DMGDH: variants seen among roughly 807,000 people sequenced by gnomAD.
The protein encoded by DMGDH is dimethylglycine dehydrogenase.
Under a neutral mutation model 95.2 loss-of-function variants are expected in DMGDH, and 76 were observed. The observed-to-expected ratio is 0.80, with a 90% confidence interval of 0.66 to 0.97. The LOEUF (loss-of-function observed/expected upper bound fraction) is 0.97, where lower values mean the gene tolerates loss of function less well. Ranked by LOEUF, DMGDH falls within the 50% of genes least tolerant of loss-of-function variation. The probability of loss-of-function intolerance (pLI) is 0.00; values close to 1 mark genes in which losing one functional copy is unlikely to be tolerated. For missense variants in DMGDH, 987 were observed against 1,055.0 expected, an observed-to-expected ratio of 0.94 and a Z score of 0.89; for synonymous variants, 345 against 377.6, an observed-to-expected ratio of 0.91 and a Z score of 1.00.
intron 5 of DMGDH, among the ~76,000 whole-genome samples, chr5:79,050,102 C>T (rs1233812639): frequency 6.6e-6 from 1 of 151,108 alleles, no homozygotes; most frequent in Non-Finnish European, 1.5e-5. Flanking sequence ...ACTAAAAATA[C>T]AAAAATTAGC....
rs1561214825 is a variant in DMGDH, at chr5:79,028,606, A to G, written c.1859T>C (p.Ile620Thr). The G allele has an allele frequency of 1.2e-6, 2 of 1,614,032 alleles. No homozygotes were observed. Among genetic ancestry groups the G allele is most frequent in the Non-Finnish European group, 8.5e-7 (1 of 1,180,040 alleles). Residue 620 changes from isoleucine to threonine, a missense_variant, in exon 12 of 16, where the codon ATT (isoleucine) becomes ACT (threonine). Ile to Thr is a moderately conservative substitution (Grantham distance 89, BLOSUM62 -1). Coordinates refer to ENST00000255189, the MANE Select transcript of DMGDH (RefSeq NM_013391.3). ...EAVKGGYDVE[I>T]KNITDELGVL... ...TCCAAGCTCATCAGTTATGTTTTTA[A>G]TTTCAACATCATATCCACCTTTGAC... is the stretch of plus-strand genomic sequence containing the variant.
At chr5:79,052,485 T>C (rs966749593) in intron 4 of DMGDH, among the ~76,000 whole-genome samples, 2 of 152,258 alleles carry the variant, frequency 1.3e-5, no homozygotes, top group South Asian at 2.1e-4. Flanking sequence ...TCATTTATTA[T>C]AGGTCTTGTG....
rs149639684 is a variant in DMGDH at position 79,045,397 on chromosome 5, C to G, written c.746-845G>C. 6.7e-3 allele frequency among the ~76,000 whole-genome samples: 1,017 copies of G among 152,184 alleles called. 4 individuals carry two copies. Among genetic ancestry groups the G allele is most frequent in the South Asian group, 0.015 (73 of 4,814 alleles). On this transcript the variant is annotated intron_variant, in intron 5 of 15. Transcript: ENST00000255189. Reference sequence around the variant, plus strand: ...AAAGATAGAACTGGATAATTTGTGGCTGAAAGGACCCTTGATTCTTTCCCA... The same window carrying G: ...AAAGATAGAACTGGATAATTTGTGGGTGAAAGGACCCTTGATTCTTTCCCA...
chr5:79,033,619 TAC>T (rs986249602), intron 7 of DMGDH, among the ~76,000 whole-genome samples: 2 of 152,184 alleles, frequency 1.3e-5, no homozygotes, highest in Non-Finnish European at 2.9e-5. Context: ...CTAGTTTATT[TAC>T]AGTTTCAAGA....
intron 13 of DMGDH, among the ~76,000 whole-genome samples, chr5:79,025,465 C>T (rs1461354773): frequency 1.3e-5 from 2 of 152,204 alleles, no homozygotes; most frequent in Non-Finnish European, 2.9e-5. Flanking sequence ...CCTTGGGTCT[C>T]TGCCTGGGCT....
rs1337464697 is a variant in DMGDH, at chr5:79,026,304, T to C, written c.2190+120A>G. On this transcript the variant is annotated intron_variant, in intron 13 of 15. Coordinates refer to ENST00000255189, the MANE Select transcript of DMGDH (RefSeq NM_013391.3). ...CTCTTCCCCTAATGAAATAAAGTTA[T>C]CTAATGATATGTAATTTCTCTTACA... 4 of 1,257,488 alleles carry C rather than the reference T, an allele frequency of 3.2e-6. No homozygotes were observed. In the East Asian group the frequency reaches 1.0e-4, roughly 31 times the overall value. 77.9% of individuals were successfully genotyped at this position (1,257,488 alleles called of 1,614,324 possible).
intron 1 of DMGDH, among the ~76,000 whole-genome samples, chr5:79,064,460 G>A (rs1448871607): frequency 6.6e-6 from 1 of 152,148 alleles, no homozygotes; most frequent in African/African-American, 2.4e-5. Flanking sequence ...TGAGTGAGAG[G>A]TGAGTGAATG....
chr5:78,998,448 G>C (rs1753397713), intron 15 of DMGDH, 151 bp from the exon 16 acceptor site: 1 of 706,298 alleles, frequency 1.4e-6, no homozygotes, highest in Non-Finnish European at 2.4e-6. Flanking sequence ...AGACACAGGA[G>C]GAAAACTTCA....
chr5:79,038,640 C>G (rs1046385161), intron 7 of DMGDH, among the ~76,000 whole-genome samples: 2 of 151,932 alleles, frequency 1.3e-5, no homozygotes, highest in Non-Finnish European at 2.9e-5. Flanking sequence ...GTCTTTATTC[C>G]CAGTTCCTGA....
Position 79,042,501 on chromosome 5 carries a change from T to A in DMGDH, c.995-20A>T. The A allele has an allele frequency of 2.5e-6, 4 of 1,613,284 alleles. No homozygotes were observed. Among genetic ancestry groups the A allele is most frequent in the Non-Finnish European group, 3.4e-6 (4 of 1,179,214 alleles). On this transcript the variant is annotated intron_variant, in intron 6 of 15. Coordinates refer to ENST00000255189, the MANE Select transcript of DMGDH (RefSeq NM_013391.3). The stretch of plus-strand genomic sequence containing the variant: ...CAAAACCTAAAAAGATTTGCCCTTG[T>A]GGTCAGGATGCCGTAGCTGAGCTGA...
chr5:79,000,227 C>T, intron 15 of DMGDH: 1 of 625,864 alleles, frequency 1.6e-6, no homozygotes, highest in Admixed American at 1.8e-5. Context: ...TACAGAATCC[C>T]TCCATACCAG....
intron 4 of DMGDH, among the ~76,000 whole-genome samples, chr5:79,052,808 A>G (rs1426159665): frequency 1.3e-5 from 2 of 152,220 alleles, no homozygotes; most frequent in African/African-American, 4.8e-5. Context: ...ATCTGCCATC[A>G]CACTGGTATC....
chr5:79,047,761 T>C (rs1754724290), intron 5 of DMGDH, among the ~76,000 whole-genome samples: 1 of 152,180 alleles, frequency 6.6e-6, no homozygotes, highest in African/African-American at 2.4e-5. Context: ...TTCTCTCTCC[T>C]AGAAACACCT....
Position 79,051,451 on chromosome 5 carries a change from T to A in DMGDH, c.581A>T (p.Asp194Val). Residue 194 changes from aspartate (D) to valine (V), a missense_variant, in exon 5 of 16, where the codon GAT becomes GTT. Coordinates refer to ENST00000255189, the MANE Select transcript of DMGDH (RefSeq NM_013391.3). Reference sequence around the variant, plus strand: ...CAGTGCCATAGTTAGAGAATAAGGATCAATGTGACCATCTCCAGGATTATA... The same window carrying A: ...CAGTGCCATAGTTAGAGAATAAGGAACAATGTGACCATCTCCAGGATTATA... ...GLYNPGDGHIDPYSLTMALAA... is the reference protein window; with the variant it reads ...GLYNPGDGHIVPYSLTMALAA... 6.2e-7 allele frequency: 1 copy of A among 1,614,154 alleles called. No individual in the cohort carries two copies. Among genetic ancestry groups the A allele is most frequent in the Non-Finnish European group, 8.5e-7 (1 of 1,180,020 alleles).
rs563314596 is a variant in DMGDH at position 79,005,093 on chromosome 5, A to G, written c.2385+180T>C. Among the ~76,000 whole-genome samples, 4 of 152,308 alleles carry G rather than the reference A, an allele frequency of 2.6e-5. No homozygotes were observed. The East Asian group carries it at 5.8e-4, about 22-fold the overall frequency. On this transcript the variant is annotated intron_variant, in intron 15 of 15. Transcript: ENST00000255189. ...TTTTATGTTTTCAAAAATGAGCAAC[A>G]TTGCATTTTCCTTTCAGTCAATTGC...
chr5:79,033,179 A>C, intron 8 of DMGDH, 60 bp downstream of exon 8: 5 of 1,598,094 alleles, frequency 3.1e-6, no homozygotes, highest in South Asian at 1.1e-5. Context: ...ATCTAAAGTC[A>C]GAGATGCTAC....
intron 12 of DMGDH, among the ~76,000 whole-genome samples, chr5:79,027,759 T>C (rs1674038101): frequency 6.6e-6 from 1 of 152,110 alleles, no homozygotes; most frequent in Admixed American, 6.5e-5. Context: ...TGGGAGATTC[T>C]ATCTCCAGGA....
At chr5:79,034,929 C>T (rs1300104747) in intron 7 of DMGDH, among the ~76,000 whole-genome samples, 21 of 151,070 alleles carry the variant, frequency 1.4e-4, no homozygotes, top group Non-Finnish European at 1.5e-5. Context: ...TGTTGGCGGG[C>T]GCCTGTAGTC....
At chr5:79,012,088 G>C (rs1753657144) in intron 14 of DMGDH, among the ~76,000 whole-genome samples, 2 of 152,130 alleles carry the variant, frequency 1.3e-5, no homozygotes, top group African/African-American at 4.8e-5. Flanking sequence ...CTGAGACAAG[G>C]CTAGTCCCTT....
Sources: gnomAD v4.1 joint callset for allele counts (sites outside exome capture counted in the v4.1 genomes callset) on GRCh38, gnomAD v4.1.1 for gene constraint, MANE v1.5 for transcripts, NCBI Gene and HGNC (gene_info 2026-07-23, HGNC 2026-07-21) for gene names.